ABCC4: variants seen among roughly 807,000 people sequenced by gnomAD.
The protein encoded by ABCC4 is ATP binding cassette subfamily C member 4 (PEL blood group), also known as ATP-binding cassette sub-family C member 4.
A neutral mutation model predicts 168.5 loss-of-function variants in ABCC4; 102 were observed. The observed-to-expected ratio is 0.61, with a 90% confidence interval of 0.52 to 0.71. The LOEUF (loss-of-function observed/expected upper bound fraction) is 0.71, where lower values mean the gene tolerates loss of function less well. Ranked by LOEUF, ABCC4 falls within the 30% of genes least tolerant of loss-of-function variation. The pLI is 0.00. For missense variants in ABCC4, 1,402 were observed against 1,605.8 expected, an observed-to-expected ratio of 0.87 and a Z score of 2.17; for synonymous variants, 617 against 590.7, an observed-to-expected ratio of 1.04 and a Z score of -0.65.
At chr13:95,144,236 G>T (rs1318040784) in intron 19 of ABCC4, among the ~76,000 whole-genome samples, 3 of 81,492 alleles carry the variant, frequency 3.7e-5, no homozygotes, top group East Asian at 2.9e-4. Flanking sequence ...TTATCTGAGG[G>T]GGTGAAGCAT....
intron 10 of ABCC4, among the ~76,000 whole-genome samples, chr13:95,187,306 T>C (rs1220968981): frequency 1.3e-5 from 2 of 152,210 alleles, no homozygotes; most frequent in African/African-American, 4.8e-5. Context: ...AAATGCTGTA[T>C]GTAAATAACA....
At chr13:95,153,223 T>C (rs1401594816) in intron 19 of ABCC4, among the ~76,000 whole-genome samples, 1 of 152,170 alleles carries the variant, frequency 6.6e-6, no homozygotes, top group Non-Finnish European at 1.5e-5. Context: ...GGGGGACAGT[T>C]TTAAATGACA....
intron 11 of ABCC4, 74 bp downstream of exon 11, chr13:95,186,627 T>C: frequency 7.1e-7 from 1 of 1,410,188 alleles, no homozygotes; most frequent in South Asian, 1.4e-5. Flanking sequence ...AAAAAGTTAA[T>C]AAACCTTGTT....
intron 21 of ABCC4, among the ~76,000 whole-genome samples, chr13:95,082,024 T>C (rs751844586): frequency 6.6e-6 from 1 of 151,938 alleles, no homozygotes; most frequent in African/African-American, 2.4e-5. Flanking sequence ...TAAATAAATG[T>C]TCATTGTTAA....
chr13:95,141,691 G>A (rs1210214345), intron 19 of ABCC4, among the ~76,000 whole-genome samples: 1 of 152,190 alleles, frequency 6.6e-6, no homozygotes, highest in East Asian at 1.9e-4. Context: ...AAAAAGAGAA[G>A]CTAATCCAAT....
chr13:95,234,332 C>T (rs1303571734), intron 4 of ABCC4, among the ~76,000 whole-genome samples: 1 of 152,022 alleles, frequency 6.6e-6, no homozygotes, highest in African/African-American at 2.4e-5. Flanking sequence ...GCAGCCATGC[C>T]CTGACAGCAG....
At chr13:95,262,557 GCA>G (rs1457609211) in intron 1 of ABCC4, among the ~76,000 whole-genome samples, 1 of 152,020 alleles carries the variant, frequency 6.6e-6, no homozygotes, top group Non-Finnish European at 1.5e-5. Context: ...TCACGGACAT[GCA>G]CAGAGTAGCA....
At chr13:95,108,212 C>A (rs1318902369) in intron 20 of ABCC4, among the ~76,000 whole-genome samples, 1 of 152,056 alleles carries the variant, frequency 6.6e-6, no homozygotes, top group East Asian at 1.9e-4. Context: ...AGGCTAGTAC[C>A]ACAATTTCTG....
intron 4 of ABCC4, among the ~76,000 whole-genome samples, chr13:95,227,821 T>G (rs2039507933): frequency 6.6e-6 from 1 of 152,210 alleles, no homozygotes; most frequent in African/African-American, 2.4e-5. Context: ...GCAATTCTTG[T>G]GCCTCAGCCT....
At chr13:95,189,295 A>G (rs2448299) in intron 9 of ABCC4, among the ~76,000 whole-genome samples, 133,431 of 149,472 alleles carry the variant, frequency 0.89, 59,743 homozygotes, top group African/African-American at 0.95. Flanking sequence ...CACTGCGCCC[A>G]GCTAATTTTT....
chr13:95,118,390 C>T (rs1213057163), intron 19 of ABCC4, among the ~76,000 whole-genome samples: 3 of 152,138 alleles, frequency 2.0e-5, no homozygotes, highest in African/African-American at 7.2e-5. Flanking sequence ...ATTACAGGCA[C>T]ATGCCACCAT....
chr13:95,271,247 G>C (rs1379243748), intron 1 of ABCC4, among the ~76,000 whole-genome samples: 1 of 152,164 alleles, frequency 6.6e-6, no homozygotes, highest in African/African-American at 2.4e-5. Context: ...AATGAATACA[G>C]AGACAGCTGC....
Position 95,115,964 on chromosome 13 carries a change from G to C in ABCC4, c.2493C>G (p.His831Gln), listed in dbSNP as rs773677219. 4 of 1,613,300 alleles carry C rather than the reference G, an allele frequency of 2.5e-6. No individual in the cohort carries two copies. In the African/African-American group the frequency reaches 4.0e-5, roughly 16 times the overall value. ...ACGTCAGCGGCAGCAAATCATCCAAGTGTCCAATGTCTTTGGAGAAACGAT... is the reference window on the plus strand; with the variant it reads ...ACGTCAGCGGCAGCAAATCATCCAACTGTCCAATGTCTTTGGAGAAACGAT... The part of the protein sequence containing the change: ...ILNRFSKDIG[H>Q]LDDLLPLTFL... Residue 831 changes from histidine to glutamine, a missense_variant, in exon 20 of 31, where the codon CAC (histidine) becomes CAG (glutamine). Transcript: ENST00000645237.
chr13:95,088,070 G>A (rs538273143), intron 20 of ABCC4, among the ~76,000 whole-genome samples: 6 of 152,174 alleles, frequency 3.9e-5, no homozygotes, highest in South Asian at 4.1e-4. Context: ...GTTGGACTTC[G>A]GTTAGTGCTT....
At chr13:95,299,551 GA>G (rs1310460414) in intron 1 of ABCC4, among the ~76,000 whole-genome samples, 1 of 152,002 alleles carries the variant, frequency 6.6e-6, no homozygotes, top group African/African-American at 2.4e-5. Flanking sequence ...TAAAACATCA[GA>G]TTTTTTTTTG....
rs1369612977 is a variant in ABCC4 at position 95,115,521 on chromosome 13, C to T, written c.2535+401G>A. 3.4e-5 allele frequency among the ~76,000 whole-genome samples: 5 copies of T among 146,862 alleles called. No homozygotes were observed. The South Asian group carries it at 8.5e-4, about 25-fold the overall frequency. ...TCTATCCAAAAAAAAAAAAAAAGTG[C>T]CTAAGTATTTGCCCTTTGTGGTAAT... On this transcript the variant is annotated intron_variant, in intron 20 of 30. Coordinates refer to ENST00000645237, the MANE Select transcript of ABCC4 (RefSeq NM_005845.5).
intron 3 of ABCC4, among the ~76,000 whole-genome samples, chr13:95,241,036 A>G (rs2039927083): frequency 6.6e-6 from 1 of 152,100 alleles, no homozygotes; most frequent in African/African-American, 2.4e-5. Context: ...CATGTCAGGC[A>G]GCTGAACAAG....
intron 1 of ABCC4, among the ~76,000 whole-genome samples, chr13:95,274,007 T>C (rs1295015538): frequency 6.6e-6 from 1 of 152,094 alleles, no homozygotes; most frequent in Non-Finnish European, 1.5e-5. Context: ...CCTCCGTGCC[T>C]TCTGTCATGA....
At chr13:95,178,762 G>T (rs1226106582) in intron 11 of ABCC4, among the ~76,000 whole-genome samples, 1 of 152,166 alleles carries the variant, frequency 6.6e-6, no homozygotes, top group Non-Finnish European at 1.5e-5. Context: ...CACACCCAGG[G>T]AAATAGGAGG....
Sources: gnomAD v4.1 joint callset for allele counts (sites outside exome capture counted in the v4.1 genomes callset) on GRCh38, gnomAD v4.1.1 for gene constraint, MANE v1.5 for transcripts, NCBI Gene and HGNC (gene_info 2026-07-23, HGNC 2026-07-21) for gene names.